Variants in CHRM3 observed in about 807,000 individuals in gnomAD.
CHRM3 encodes the protein cholinergic receptor muscarinic 3.
In CHRM3, 11 loss-of-function variants were observed where a neutral mutation model predicts 41.8. That is an observed-to-expected ratio of 0.26 (90% CI 0.17 to 0.44). CHRM3 has a LOEUF of 0.44. Ranked by LOEUF, CHRM3 falls within the 20% of genes least tolerant of loss-of-function variation. CHRM3 has a pLI of 1.00. For missense variants in CHRM3, 571 were observed against 745.4 expected (o/e 0.77, Z 2.72); for synonymous variants, 297 against 301.4 (o/e 0.99, Z 0.15).
At chr1:239,886,667 A>T (rs896898419) in intron 6 of CHRM3, 1 of 152,194 alleles carries the variant, frequency 6.6e-6, no homozygotes, top group Non-Finnish European at 1.5e-5. Flanking sequence ...TAAAAATTTC[A>T]TTAACATTCA....
intron 4 of CHRM3, among the ~76,000 whole-genome samples, chr1:239,669,375 C>G (rs1035317392): frequency 1.2e-4 from 18 of 152,158 alleles, no homozygotes; most frequent in Non-Finnish European, 2.5e-4. Flanking sequence ...TGGCATTTCT[C>G]TACACGTTGT....
intron 3 of CHRM3, among the ~76,000 whole-genome samples, chr1:239,582,973 A>T (rs1663040378): frequency 6.6e-6 from 1 of 152,170 alleles, no homozygotes; most frequent in African/African-American, 2.4e-5. Flanking sequence ...CTCTCCAGCC[A>T]GTCTGTGCTC....
intron 1 of CHRM3, among the ~76,000 whole-genome samples, chr1:239,456,534 G>T (rs961331381): frequency 1.3e-5 from 2 of 152,102 alleles, no homozygotes; most frequent in East Asian, 1.9e-4. Context: ...CTACGATGTC[G>T]GCGTAATGAC....
chr1:239,724,473 A>AT (rs1437076090), intron 5 of CHRM3, among the ~76,000 whole-genome samples: 2 of 151,944 alleles, frequency 1.3e-5, no homozygotes, highest in African/African-American at 4.8e-5. Context: ...TTGTTTGTGC[A>AT]TTGGAAGTTT....
In CHRM3 at chr1:239,503,697, C is replaced by T. The variant is rs528639606; in HGVS notation, c.-422+10890C>T. 2.8e-4 allele frequency among the ~76,000 whole-genome samples: 42 copies of T among 152,136 alleles called. 1 individual carries two copies. The South Asian group carries it at 6.2e-3, about 23-fold the overall frequency. The stretch of plus-strand genomic sequence containing the variant: ...AAGGCCATAGTCAACAAAACAGCAT[C>T]GTACTGGTATAAAAATAGGCACATA... On this transcript the variant is annotated intron_variant, in intron 2 of 6. Coordinates refer to ENST00000676153, the MANE Select transcript of CHRM3 (RefSeq NM_001375978.1).
At chr1:239,710,105 T>A (rs1164544203) in intron 5 of CHRM3, among the ~76,000 whole-genome samples, 2 of 152,166 alleles carry the variant, frequency 1.3e-5, no homozygotes, top group Non-Finnish European at 2.9e-5. Flanking sequence ...GTCATGGAAT[T>A]CCAGAAACAA....
chr1:239,869,798 C>A (rs1369532646), intron 6 of CHRM3, among the ~76,000 whole-genome samples: 1 of 152,070 alleles, frequency 6.6e-6, no homozygotes, highest in Non-Finnish European at 1.5e-5. Flanking sequence ...TCTTTTTATG[C>A]CTGGTTCTTC....
chr1:239,515,824 AAGTT>A (rs1020025805), intron 2 of CHRM3, among the ~76,000 whole-genome samples: 4 of 152,192 alleles, frequency 2.6e-5, no homozygotes, highest in African/African-American at 9.6e-5. Context: ...CCTTAGTTAA[AAGTT>A]AGATGCCTAA....
At chr1:239,602,112 A>ATGTGTGTGTGTG (rs1665652458) in intron 3 of CHRM3, among the ~76,000 whole-genome samples, 1 of 37,140 alleles carries the variant, frequency 2.7e-5, no homozygotes, top group Non-Finnish European at 8.2e-5. Context: ...GTGTGTGTGT[A>ATGTGTGTGTGTG]TATATATATA....
intron 6 of CHRM3, among the ~76,000 whole-genome samples, chr1:239,877,615 T>C (rs1014973337): frequency 1.3e-5 from 2 of 152,216 alleles, no homozygotes; most frequent in Non-Finnish European, 2.9e-5. Context: ...ATGCAGAGAC[T>C]GAGGCTAAGA....
chr1:239,863,951 G>A (rs1210722248), intron 6 of CHRM3, among the ~76,000 whole-genome samples: 1 of 152,094 alleles, frequency 6.6e-6, no homozygotes, highest in Non-Finnish European at 1.5e-5. Flanking sequence ...GGAATGTAAG[G>A]ATGGTTTGCC....
chr1:239,458,165 T>C (rs1665092359), intron 1 of CHRM3, among the ~76,000 whole-genome samples: 1 of 152,132 alleles, frequency 6.6e-6, no homozygotes. Flanking sequence ...GAGTAGAATG[T>C]ATGGTATGTT....
intron 1 of CHRM3, among the ~76,000 whole-genome samples, chr1:239,470,048 T>C (rs1318899632): frequency 6.6e-6 from 1 of 152,130 alleles, no homozygotes; most frequent in Non-Finnish European, 1.5e-5. Flanking sequence ...GTGACCTTAT[T>C]TGGAAGTAGG....
At chr1:239,484,786 A>AGAGCCAG (rs1279615862) in intron 1 of CHRM3, among the ~76,000 whole-genome samples, 1 of 152,156 alleles carries the variant, frequency 6.6e-6, no homozygotes, top group African/African-American at 2.4e-5. Flanking sequence ...ACACTGACAT[A>AGAGCCAG]TGTCAGAGCC....
chr1:239,628,032 G>T (rs1669211775), intron 3 of CHRM3, among the ~76,000 whole-genome samples: 1 of 67,306 alleles, frequency 1.5e-5, no homozygotes, highest in Non-Finnish European at 2.6e-5. Flanking sequence ...TGTATTTCCT[G>T]AATCTGAACG....
At chr1:239,413,256 A>T (rs1661247566) in intron 1 of CHRM3, among the ~76,000 whole-genome samples, 1 of 152,040 alleles carries the variant, frequency 6.6e-6, no homozygotes, top group Non-Finnish European at 1.5e-5. Context: ...AGTGAATCAT[A>T]ATCTGGATTC....
At position 239,908,960 on chromosome 1, in the gene CHRM3, T is replaced by C. The variant is rs202061144; in HGVS notation, c.1509T>C (p.Thr503=). ...CGATCTTGCTTGCCTTCATCATCAC[T>C]TGGACCCCATACAACATCATGGTTC... ...LSAILLAFII[T]WTPYNIMVLV... The change falls in exon 7 of 7, where the codon ACT becomes ACC. Residue 503 remains threonine, a synonymous_variant. Coordinates refer to ENST00000676153, the MANE Select transcript of CHRM3 (RefSeq NM_001375978.1). This position sits in a 1 kb window ranked among gnomAD's most constrained non-coding sequence, Gnocchi z 7.2. 3.7e-6 allele frequency: 6 copies of C among 1,614,140 alleles called. No homozygotes were observed. The highest frequency in any genetic ancestry group is 1.3e-5 in the African/African-American group (1 of 75,042).
intron 5 of CHRM3, among the ~76,000 whole-genome samples, chr1:239,754,406 C>G (rs1385066666): frequency 1.3e-5 from 2 of 152,102 alleles, no homozygotes; most frequent in Non-Finnish European, 2.9e-5. Context: ...GGCAGATCTT[C>G]TAAAATGGTA....
chr1:239,864,079 G>GAA (rs560580967), intron 6 of CHRM3, among the ~76,000 whole-genome samples: 7,952 of 125,666 alleles, frequency 0.063, 224 homozygotes, highest in East Asian at 0.073. Flanking sequence ...CTTGATTTAA[G>GAA]AAAAAAAAAA....
Sources: allele counts gnomAD v4.1 joint callset (sites outside exome capture counted in the v4.1 genomes callset), GRCh38; gene constraint gnomAD v4.1.1; non-coding constraint Gnocchi (gnomAD v3.1); transcripts MANE v1.5; gene names NCBI Gene and HGNC (gene_info 2026-07-23, HGNC 2026-07-21).